DIS3L2: variants seen among roughly 807,000 people sequenced by gnomAD.
The protein encoded by DIS3L2 is DIS3 like 3'-5' exoribonuclease 2.
A neutral mutation model predicts 97.5 loss-of-function variants in DIS3L2; 34 were observed. The ratio of observed to expected loss-of-function variants is 0.35; its 90% CI spans 0.27 to 0.46. The LOEUF is 0.46. DIS3L2 is among the 20% of genes least tolerant of loss of function. DIS3L2 has a pLI of 1.00. For missense variants in DIS3L2, 1,038 were observed against 1,146.0 expected, an observed-to-expected ratio of 0.91 and a Z score of 1.36; for synonymous variants, 435 against 445.2, an observed-to-expected ratio of 0.98 and a Z score of 0.29.
chr2:232,065,267 C>T (rs948869249), intron 5 of DIS3L2, among the ~76,000 whole-genome samples: 1 of 152,022 alleles, frequency 6.6e-6, no homozygotes, highest in African/African-American at 2.4e-5. Flanking sequence ...TCTTTTTCCC[C>T]CCAGCTCCTG....
At chr2:232,204,624 C>T (rs150299066) in intron 9 of DIS3L2, among the ~76,000 whole-genome samples, 71 of 152,270 alleles carry the variant, frequency 4.7e-4, no homozygotes, top group African/African-American at 1.5e-3. Context: ...TGTTGTGGAA[C>T]TCTTTAAATA....
intron 9 of DIS3L2, among the ~76,000 whole-genome samples, chr2:232,193,631 C>T (rs1196878050): frequency 1.3e-5 from 2 of 152,190 alleles, no homozygotes; most frequent in Admixed American, 1.3e-4. Context: ...CCCATTTCAT[C>T]TATCATTGGG....
At chr2:232,230,678 T>C (rs948867654) in intron 10 of DIS3L2, among the ~76,000 whole-genome samples, 1 of 152,212 alleles carries the variant, frequency 6.6e-6, no homozygotes, top group African/African-American at 2.4e-5. Context: ...AATAGAGCCA[T>C]GGTCTGCAGA....
At chr2:232,195,906 A>C (rs1211975176) in intron 9 of DIS3L2, among the ~76,000 whole-genome samples, 2 of 151,886 alleles carry the variant, frequency 1.3e-5, no homozygotes, top group Non-Finnish European at 2.9e-5. Context: ...GTCCCCAGGC[A>C]AGGGGGGAGT....
intron 10 of DIS3L2, among the ~76,000 whole-genome samples, chr2:232,235,708 C>T (rs1464237970): frequency 6.6e-6 from 1 of 152,074 alleles, no homozygotes; most frequent in Non-Finnish European, 1.5e-5. Context: ...CAATATTTAC[C>T]TGTTAGGCCA....
At chr2:232,209,979 G>A (rs1351367486) in intron 9 of DIS3L2, among the ~76,000 whole-genome samples, 2 of 152,174 alleles carry the variant, frequency 1.3e-5, no homozygotes, top group African/African-American at 2.4e-5. Flanking sequence ...TTACCAAAGT[G>A]TAAATTGAAG....
intron 5 of DIS3L2, among the ~76,000 whole-genome samples, chr2:232,031,554 G>A (rs1347065354): frequency 6.6e-6 from 1 of 151,010 alleles, no homozygotes; most frequent in East Asian, 1.9e-4. Context: ...CGAATGAGCA[G>A]GTTTGTTACA....
Position 232,282,381 on chromosome 2 carries a change from A to T in DIS3L2, c.1660-17659A>T, listed in dbSNP as rs2106302679. ...GCCATGCAGAGGCACAGACAATGCC[A>T]CTTTCAATAAATCATGAAGGATTCT... On this transcript the variant is annotated intron_variant, in intron 13 of 20. Coordinates refer to ENST00000325385, the MANE Select transcript of DIS3L2 (RefSeq NM_152383.5). Among the ~76,000 whole-genome samples the T allele has an allele frequency of 4.6e-5, 7 of 152,260 alleles. 1 individual carries two copies. In the South Asian group the frequency reaches 1.5e-3, roughly 32 times the overall value.
intron 10 of DIS3L2, among the ~76,000 whole-genome samples, chr2:232,211,103 C>T (rs1019110567): frequency 2.0e-5 from 3 of 151,900 alleles, no homozygotes; most frequent in Non-Finnish European, 4.4e-5. Context: ...GTGAACCCTT[C>T]CAATCCCTCC....
At chr2:232,098,385 A>G (rs536243172) in intron 6 of DIS3L2, among the ~76,000 whole-genome samples, 1 of 138,630 alleles carries the variant, frequency 7.2e-6, no homozygotes, top group Non-Finnish European at 1.5e-5. Flanking sequence ...GACAGAGTCT[A>G]CTCTGTCACC....
intron 6 of DIS3L2, among the ~76,000 whole-genome samples, chr2:232,094,838 T>A (rs1404102903): frequency 6.6e-6 from 1 of 152,154 alleles, no homozygotes; most frequent in African/African-American, 2.4e-5. Context: ...CACTCCGGTG[T>A]TGGGTGCATA....
At chr2:232,185,554 G>A (rs1691409086) in intron 9 of DIS3L2, among the ~76,000 whole-genome samples, 1 of 152,184 alleles carries the variant, frequency 6.6e-6, no homozygotes, top group Non-Finnish European at 1.5e-5. Flanking sequence ...GAAGAGCAAG[G>A]CTGGGCATGG....
At chr2:232,089,602 T>G (rs1022721620) in intron 6 of DIS3L2, among the ~76,000 whole-genome samples, 12 of 152,188 alleles carry the variant, frequency 7.9e-5, no homozygotes, top group Non-Finnish European at 1.5e-4. Flanking sequence ...AAGAGAGATA[T>G]TCACAGGATA....
intron 1 of DIS3L2, among the ~76,000 whole-genome samples, chr2:231,999,614 A>G (rs1693826192): frequency 6.6e-6 from 1 of 152,192 alleles, no homozygotes; most frequent in Non-Finnish European, 1.5e-5. Context: ...TAGGATATAT[A>G]GAAAGCAGTT....
chr2:232,010,526 T>C (rs577863388), intron 1 of DIS3L2, among the ~76,000 whole-genome samples: 31 of 152,190 alleles, frequency 2.0e-4, no homozygotes, highest in Non-Finnish European at 4.4e-4. Flanking sequence ...TTGCCCTCTT[T>C]TTTTTTCTTA....
chr2:232,157,359 C>T lies in DIS3L2; in HGVS notation c.951-6100C>T, dbSNP rs142269574. Among the ~76,000 whole-genome samples the T allele has an allele frequency of 9.2e-5, 14 of 152,252 alleles. No homozygotes were observed. In the East Asian group the frequency reaches 2.7e-3, roughly 29 times the overall value. ...GCCTGTAGGATGCTAAATCAGAGCA[C>T]CAATGCATCCTGGAGGATGGCACTC... On this transcript the variant is annotated intron_variant, in intron 8 of 20. Transcript: ENST00000325385.
intron 6 of DIS3L2, among the ~76,000 whole-genome samples, chr2:232,103,546 C>T (rs539704968): frequency 6.6e-6 from 1 of 152,228 alleles, no homozygotes; most frequent in East Asian, 1.9e-4. Context: ...CCATGACCTT[C>T]ATTTAGTCAT....
chr2:231,984,690 G>A (rs1693362497), intron 1 of DIS3L2, among the ~76,000 whole-genome samples: 1 of 152,146 alleles, frequency 6.6e-6, no homozygotes, highest in African/African-American at 2.4e-5. Flanking sequence ...ACCGCGCCCA[G>A]CCAACTGCAA....
intron 14 of DIS3L2, 23 bp from the exon 15 acceptor site, chr2:232,329,790 C>CCA: frequency 3.2e-6 from 1 of 315,336 alleles, no homozygotes; most frequent in Non-Finnish European, 6.3e-6. Flanking sequence ...AGCGGTCCCT[C>CCA]CCATCCCACC....
Sources: gnomAD v4.1 joint callset for allele counts (sites outside exome capture counted in the v4.1 genomes callset) on GRCh38, gnomAD v4.1.1 for gene constraint, MANE v1.5 for transcripts, NCBI Gene and HGNC (gene_info 2026-07-23, HGNC 2026-07-21) for gene names.